Variants in PHYHD1 observed in about 807,000 individuals in gnomAD.
The protein encoded by PHYHD1 is phytanoyl-CoA dioxygenase domain containing 1, also known as phytanoyl-CoA dioxygenase domain-containing protein 1.
PHYHD1 carries 42 observed loss-of-function variants against 43.6 expected under a neutral mutation model. The ratio of observed to expected loss-of-function variants is 0.96; its 90% CI spans 0.75 to 1.25. The LOEUF (loss-of-function observed/expected upper bound fraction) is 1.25. Among genes scored for constraint, PHYHD1 ranks in the 50% most tolerant of loss-of-function variants. The probability of loss-of-function intolerance (pLI) is 0.00; values close to 1 mark genes in which losing one functional copy is unlikely to be tolerated. For synonymous variants in PHYHD1, 139 were observed against 143.6 expected (o/e 0.97, Z 0.23); for missense variants, 342 against 370.8 (o/e 0.92, Z 0.64).
At chr9:128,927,280 G>A in intron 4 of PHYHD1, 84 bp downstream of exon 4, 2 of 1,552,438 alleles carry the variant, frequency 1.3e-6, no homozygotes, top group Admixed American at 1.7e-5. Flanking sequence ...GTGGAAGGGA[G>A]GATCCCAAGG....
At position 128,935,497 on chromosome 9, in the gene PHYHD1, G is replaced by A. The variant is rs149103132; in HGVS notation, c.317-951G>A. 1.0e-4 allele frequency among the ~76,000 whole-genome samples: 15 copies of A among 147,648 alleles called. No individual in the cohort carries two copies. In the East Asian group the frequency reaches 2.2e-3, roughly 21 times the overall value. On this transcript the variant is annotated intron_variant, in intron 6 of 12. Coordinates refer to ENST00000372592, the MANE Select transcript of PHYHD1 (RefSeq NM_001100876.2). ...AAATTAGCCGGACCTTGTTGTGGGC[G>A]CCTGTAGTCCCAGCTACTGCCACTG...
chr9:128,922,388 C>A, intron 3 of PHYHD1, 32 bp downstream of exon 3: 1 of 1,546,728 alleles, frequency 6.5e-7, no homozygotes, highest in South Asian at 1.2e-5. Flanking sequence ...CCGGGAGGGT[C>A]ATGGCGGGGG....
At chr9:128,935,826 A>G (rs1841411160) in intron 6 of PHYHD1, among the ~76,000 whole-genome samples, 2 of 151,924 alleles carry the variant, frequency 1.3e-5, no homozygotes, top group African/African-American at 4.8e-5. Context: ...CGCTTGAACT[A>G]GGGAGGTGGA....
chr9:128,931,709 A>G (rs980791502), intron 4 of PHYHD1, among the ~76,000 whole-genome samples: 1 of 151,358 alleles, frequency 6.6e-6, no homozygotes, highest in African/African-American at 2.4e-5. Context: ...TATTTTGTTT[A>G]GTAGAGACAG....
At position 128,936,634 on chromosome 9, in the gene PHYHD1, T is replaced by A; in HGVS notation, c.424T>A (p.Tyr142Asn). The change falls in exon 8 of 13, where the codon TAC becomes AAC. Residue 142 changes from tyrosine (Y) to asparagine (N), a missense_variant. Transcript: ENST00000372592. ...GATGCCCGTGGTGGTGCAGAGCATG[T>A]ACATCTTTAAGGTGAGCTCCTTGTC... Reference protein sequence around the residue: ...LQMPVVVQSMYIFKQPHFGGE... With the variant: ...LQMPVVVQSMNIFKQPHFGGE... 6.4e-7 allele frequency: 1 copy of A among 1,554,220 alleles called. No homozygotes were observed. Among genetic ancestry groups the A allele is most frequent in the Non-Finnish European group, 8.7e-7 (1 of 1,148,314 alleles).
In PHYHD1 at chr9:128,940,469, TCTCTGGTTCATCCCTGGCTCCCACA is replaced by T; in HGVS notation, c.560_584del (p.Leu187ProfsTer111). On this transcript the variant is annotated frameshift_variant, in exon 10 of 13. Transcript: ENST00000372592. LOFTEE classifies it high-confidence loss of function. Reference sequence around the variant, plus strand: ...AGGATGCCACGCTGGAGAACGGCTGTCTCTGGTTCATCCCTGGCTCCCACACCAGTGAGGAACCCTGTCTCTTCTG... The same window carrying T: ...AGGATGCCACGCTGGAGAACGGCTGTCCAGTGAGGAACCCTGTCTCTTCTG... 1 of 1,614,156 alleles carries T rather than the reference TCTCTGGTTCATCCCTGGCTCCCACA, an allele frequency of 6.2e-7. No individual in the cohort carries two copies. The highest frequency in any genetic ancestry group is 8.5e-7 in the Non-Finnish European group (1 of 1,180,022).
chr9:128,923,581 C>T (rs1841058660), intron 3 of PHYHD1, among the ~76,000 whole-genome samples: 1 of 152,216 alleles, frequency 6.6e-6, no homozygotes, highest in Non-Finnish European at 1.5e-5. Context: ...TTAAACTAAT[C>T]CCCTTGCGCT....
chr9:128,929,599 G>A (rs2131101716), intron 4 of PHYHD1, among the ~76,000 whole-genome samples: 1 of 152,090 alleles, frequency 6.6e-6, no homozygotes, highest in East Asian at 1.9e-4. Context: ...CCTGAACCCT[G>A]AAGGGAGAGT....
chr9:128,932,524 T>C (rs1420979239), intron 4 of PHYHD1, among the ~76,000 whole-genome samples: 3 of 151,880 alleles, frequency 2.0e-5, no homozygotes, highest in South Asian at 4.2e-4. Context: ...TGCGCCACCA[T>C]GCCCGGCTAA....
chr9:128,941,501 G>A lies in PHYHD1; in HGVS notation c.760G>A (p.Asp254Asn), dbSNP rs749348627. The change falls in exon 12 of 13, where the codon GAC (aspartate) becomes AAC (asparagine). Residue 254 changes from aspartate (D) to asparagine (N), a missense_variant. Coordinates refer to ENST00000372592, the MANE Select transcript of PHYHD1 (RefSeq NM_001100876.2). ...VVHKSKQNLS[D>N]RSRQAYTFHL... ...ACACAAGAGCAAGCAGAACCTCTCT[G>A]ACCGCTCGCGCCAGGCCTACACTTT... The A allele has an allele frequency of 6.2e-7, 1 of 1,614,020 alleles. No homozygotes were observed. The highest frequency in any genetic ancestry group is 1.1e-5 in the South Asian group (1 of 91,050).
intron 4 of PHYHD1, 122 bp downstream of exon 4, chr9:128,927,318 C>A: frequency 8.5e-7 from 1 of 1,178,578 alleles, no homozygotes; most frequent in Non-Finnish European, 1.2e-6. Context: ...AAGCCCCTTA[C>A]ACACCTTTCC....
intron 4 of PHYHD1, among the ~76,000 whole-genome samples, chr9:128,932,686 G>C (rs1841321727): frequency 1.6e-5 from 1 of 62,862 alleles, no homozygotes; most frequent in South Asian, 4.2e-4. Flanking sequence ...ATTTTTAGTA[G>C]AGACGGGGTT....
Position 128,933,816 on chromosome 9 carries a change from A to G in PHYHD1, c.227A>G (p.Lys76Arg). ...STDYFLSSGD[K>R]IRFFFEKGVF... The stretch of plus-strand genomic sequence containing the variant: ...GACTATTTCTTGAGCAGTGGTGACA[A>G]GATTCGATTCTTCTTTGAGAAAGGC... The change falls in exon 5 of 13, where the codon AAG (lysine) becomes AGG (arginine). Residue 76 changes from lysine to arginine, a missense_variant. By Grantham distance (26) the Lys-to-Arg change is conservative. Coordinates refer to ENST00000372592, the MANE Select transcript of PHYHD1 (RefSeq NM_001100876.2). 1.2e-6 allele frequency: 2 copies of G among 1,614,132 alleles called. No homozygotes were observed. Among genetic ancestry groups the G allele is most frequent in the South Asian group, 2.2e-5 (2 of 91,078 alleles).
rs1841001365 is a variant in PHYHD1, at chr9:128,921,642, G to C, written c.-186G>C. 6.6e-6 allele frequency: 1 copy of C among 152,284 alleles called. No individual in the cohort carries two copies. The highest frequency in any genetic ancestry group is 2.4e-5 in the African/African-American group (1 of 41,434). 9.4% of individuals were successfully genotyped at this position (152,284 alleles called of 1,614,324 possible). On this transcript the variant is annotated 5_prime_UTR_variant, in exon 1 of 13. Transcript: ENST00000372592. The stretch of plus-strand genomic sequence containing the variant: ...CAGCTCCACTGTGCCAGCCCGACTT[G>C]AGATGCCAAGTATCTTGGGCCTGAG...
chr9:128,934,803 A>G (rs755034527), intron 6 of PHYHD1, among the ~76,000 whole-genome samples: 1 of 150,738 alleles, frequency 6.6e-6, no homozygotes, highest in African/African-American at 2.4e-5. Context: ...AAGAAAGCCC[A>G]TAGTAAATTA....
chr9:128,926,351 G>A (rs962671633), intron 3 of PHYHD1, among the ~76,000 whole-genome samples: 4 of 150,074 alleles, frequency 2.7e-5, no homozygotes, highest in African/African-American at 9.8e-5. Flanking sequence ...CTGCCTCCAA[G>A]CTATTCTCCT....
At chr9:128,923,147 T>C (rs2131092833) in intron 3 of PHYHD1, among the ~76,000 whole-genome samples, 1 of 152,348 alleles carries the variant, frequency 6.6e-6, no homozygotes, top group African/African-American at 2.4e-5. Context: ...TTTCACCATG[T>C]TGGCCAGACT....
At chr9:128,928,720 A>G (rs1447361469) in intron 4 of PHYHD1, among the ~76,000 whole-genome samples, 4 of 152,078 alleles carry the variant, frequency 2.6e-5, no homozygotes. Context: ...AAACAAAAAC[A>G]AAAACAAAAA....
chr9:128,932,163 A>ATTTTTTTTTTT (rs1564540363), intron 4 of PHYHD1, among the ~76,000 whole-genome samples: 17 of 125,338 alleles, frequency 1.4e-4, no homozygotes, highest in African/African-American at 5.7e-4. Flanking sequence ...TATTATTATT[A>ATTTTTTTTTTT]TTATTGTTAT....
Sources: allele counts gnomAD v4.1 joint callset (sites outside exome capture counted in the v4.1 genomes callset), GRCh38; gene constraint gnomAD v4.1.1; transcripts MANE v1.5; gene names NCBI Gene and HGNC (gene_info 2026-07-23, HGNC 2026-07-21).